Variants in CACNA2D3 observed in about 807,000 individuals in gnomAD.
CACNA2D3 encodes calcium voltage-gated channel auxiliary subunit alpha2delta 3, also known as voltage-dependent calcium channel subunit alpha-2/delta-3.
CACNA2D3 carries 60 observed loss-of-function variants against 160.6 expected under a neutral mutation model. The ratio of observed to expected loss-of-function variants is 0.37; its 90% confidence interval spans 0.30 to 0.46. The LOEUF (loss-of-function observed/expected upper bound fraction) is 0.46. Among genes scored for constraint, CACNA2D3 ranks in the 20% least tolerant of loss-of-function variants. The pLI is 1.00. For synonymous variants in CACNA2D3, 558 were observed against 492.9 expected (o/e 1.13, Z -1.75); for missense variants, 1,205 against 1,365.0 (o/e 0.88, Z 1.85).
chr3:54,614,372 A>T (rs1202365967), intron 9 of CACNA2D3, among the ~76,000 whole-genome samples: 1 of 152,192 alleles, frequency 6.6e-6, no homozygotes, highest in Non-Finnish European at 1.5e-5. Context: ...AATTGTTCTA[A>T]TGCCAATCTT....
At chr3:55,034,418 C>A (rs974506226) in intron 35 of CACNA2D3, among the ~76,000 whole-genome samples, 7 of 151,812 alleles carry the variant, frequency 4.6e-5, no homozygotes, top group African/African-American at 1.7e-4. Flanking sequence ...TTAGTCTTTT[C>A]TTTTAAGGTG....
intron 13 of CACNA2D3, among the ~76,000 whole-genome samples, chr3:54,804,233 A>G (rs1279972235): frequency 6.6e-6 from 1 of 152,046 alleles, no homozygotes; most frequent in Non-Finnish European, 1.5e-5. Context: ...AATGGACTAA[A>G]TGCTCCAATT....
intron 35 of CACNA2D3, among the ~76,000 whole-genome samples, chr3:55,035,592 C>A: frequency 6.6e-6 from 1 of 152,156 alleles, no homozygotes; most frequent in Non-Finnish European, 1.5e-5. Context: ...TATGCTAATA[C>A]TATTGATTCT....
At chr3:54,650,258 G>A (rs1699735343) in intron 11 of CACNA2D3, among the ~76,000 whole-genome samples, 1 of 151,844 alleles carries the variant, frequency 6.6e-6, no homozygotes, top group Non-Finnish European at 1.5e-5. Flanking sequence ...GAGTGCAGTG[G>A]TGTGATCTTG....
intron 35 of CACNA2D3, among the ~76,000 whole-genome samples, chr3:55,063,072 C>G (rs3773539): frequency 0.12 from 18,884 of 152,140 alleles, 2,109 homozygotes; most frequent in East Asian, 0.28. Context: ...GACATACTTC[C>G]CTTTGAGAAG....
At chr3:54,967,114 G>A (rs1702171716) in intron 27 of CACNA2D3, 1 of 152,192 alleles carries the variant, frequency 6.6e-6, no homozygotes. Flanking sequence ...TTGCAGCCGT[G>A]CACTGCTCTA....
chr3:54,987,735 C>T lies in CACNA2D3; in HGVS notation c.2672C>T (p.Thr891Ile). ...GGAGCTGTGATGAACAAATTGCTAA[C>T]AATGGGCTCCTTTAAAAGGTAAGGG... is the stretch of plus-strand genomic sequence containing the variant. ...IEGAVMNKLL[T>I]MGSFKRITLY... The change falls in exon 31 of 38, where the codon ACA becomes ATA. Residue 891 changes from threonine (T) to isoleucine (I), a missense_variant. Coordinates refer to ENST00000474759, the MANE Select transcript of CACNA2D3 (RefSeq NM_018398.3). 1 of 1,609,356 alleles carries T rather than the reference C, an allele frequency of 6.2e-7. No homozygotes were observed. The highest frequency in any genetic ancestry group is 8.5e-7 in the Non-Finnish European group (1 of 1,178,268).
chr3:54,472,153 A>C (rs1318013344), intron 4 of CACNA2D3, among the ~76,000 whole-genome samples: 1 of 152,224 alleles, frequency 6.6e-6, no homozygotes, highest in Non-Finnish European at 1.5e-5. Context: ...CCTCAATAAA[A>C]TACTGGCAAA....
At chr3:54,640,891 C>T (rs1235496201) in intron 10 of CACNA2D3, among the ~76,000 whole-genome samples, 1 of 152,104 alleles carries the variant, frequency 6.6e-6, no homozygotes, top group Non-Finnish European at 1.5e-5. Flanking sequence ...TAATGTGTTC[C>T]TAAAACATTT....
chr3:54,811,088 C>T (rs866647614), intron 13 of CACNA2D3, among the ~76,000 whole-genome samples: 8 of 152,290 alleles, frequency 5.3e-5, no homozygotes, highest in African/African-American at 1.7e-4. Context: ...ACCTCATCTA[C>T]GTGCAGACAG....
At position 54,851,104 on chromosome 3, in the gene CACNA2D3, G is replaced by A. The variant is rs149605728; in HGVS notation, c.1626+4637G>A. The stretch of plus-strand genomic sequence containing the variant: ...AAGATGCGCTTTTTATTTGTTTGTT[G>A]TTGTTGGTATTAGTATATTTTTCTA... On this transcript the variant is annotated intron_variant, in intron 17 of 37. Coordinates refer to ENST00000474759, the MANE Select transcript of CACNA2D3 (RefSeq NM_018398.3). Among the ~76,000 whole-genome samples the A allele has an allele frequency of 1.7e-4, 26 of 152,310 alleles. 1 individual carries two copies. In the East Asian group the frequency reaches 5.0e-3, roughly 29 times the overall value.
intron 4 of CACNA2D3, among the ~76,000 whole-genome samples, chr3:54,494,747 T>G (rs1433586196): frequency 6.6e-6 from 1 of 152,070 alleles, no homozygotes; most frequent in Non-Finnish European, 1.5e-5. Context: ...GACTCACAGT[T>G]CCACATGGCT....
chr3:54,470,718 A>G (rs1700715027), intron 4 of CACNA2D3, among the ~76,000 whole-genome samples: 2 of 152,338 alleles, frequency 1.3e-5, no homozygotes, highest in South Asian at 4.1e-4. Flanking sequence ...ATGGAGGAAT[A>G]TTTACCAAGC....
intron 4 of CACNA2D3, among the ~76,000 whole-genome samples, chr3:54,394,132 G>T (rs1201753920): frequency 1.3e-5 from 2 of 152,074 alleles, no homozygotes; most frequent in East Asian, 3.9e-4. Context: ...CTTGCTCCCT[G>T]GGCTCAAATC....
At chr3:54,985,515 C>A (rs1004408697) in intron 30 of CACNA2D3, among the ~76,000 whole-genome samples, 6 of 152,182 alleles carry the variant, frequency 3.9e-5, no homozygotes, top group African/African-American at 1.4e-4. Context: ...TAGCTCTCTT[C>A]CTTAACTAGT....
intron 13 of CACNA2D3, among the ~76,000 whole-genome samples, chr3:54,811,519 A>C (rs1703318558): frequency 9.6e-6 from 1 of 103,738 alleles, no homozygotes; most frequent in African/African-American, 3.7e-5. Flanking sequence ...TTTTTTTGAG[A>C]CAGCATCTCA....
intron 14 of CACNA2D3, among the ~76,000 whole-genome samples, chr3:54,823,891 T>C (rs1019776673): frequency 6.6e-5 from 10 of 152,250 alleles, no homozygotes; most frequent in Non-Finnish European, 1.3e-4. Context: ...TTCTGTATTA[T>C]GAGCGTACAT....
At chr3:54,621,772 G>A (rs145096953) in intron 9 of CACNA2D3, among the ~76,000 whole-genome samples, 1 of 152,292 alleles carries the variant, frequency 6.6e-6, no homozygotes, top group East Asian at 1.9e-4. Flanking sequence ...CCCTCGAAAG[G>A]CAAAATAATT....
chr3:54,297,457 C>T (rs74869669), intron 2 of CACNA2D3, among the ~76,000 whole-genome samples: 2,668 of 151,858 alleles, frequency 0.018, 75 homozygotes, highest in African/African-American at 0.06. Context: ...TTAGGAAAAG[C>T]GAGTCGGCAT....
Sources: allele counts gnomAD v4.1 joint callset (sites outside exome capture counted in the v4.1 genomes callset), GRCh38; gene constraint gnomAD v4.1.1; transcripts MANE v1.5; gene names NCBI Gene and HGNC (gene_info 2026-07-23, HGNC 2026-07-21).